Variants in SVIL observed in about 807,000 individuals in gnomAD.
SVIL encodes supervillin, also known as archvillin.
A neutral mutation model predicts 240.4 loss-of-function variants in SVIL; 101 were observed. The ratio of observed to expected loss-of-function variants is 0.42; its 90% CI spans 0.36 to 0.50. The LOEUF is 0.50. SVIL is among the 20% of genes least tolerant of loss of function. SVIL has a pLI of 0.01. For synonymous variants in SVIL, 999 were observed against 1,100.0 expected (o/e 0.91, Z 1.82); for missense variants, 2,512 against 2,818.7 (o/e 0.89, Z 2.46).
intron 1 of SVIL, among the ~76,000 whole-genome samples, chr10:29,586,913 G>A (rs1956190854): frequency 1.3e-5 from 2 of 152,230 alleles, no homozygotes; most frequent in South Asian, 4.1e-4. Flanking sequence ...TGGGAGGAGG[G>A]AGAAGATTAT....
At chr10:29,572,694 G>A (rs1387317945) in intron 1 of SVIL, among the ~76,000 whole-genome samples, 2 of 148,562 alleles carry the variant, frequency 1.3e-5, no homozygotes, top group Non-Finnish European at 3.0e-5. Flanking sequence ...AGCCTGGGAG[G>A]TCGAGGCTGC....
chr10:29,505,691 G>A (rs1237018476), intron 17 of SVIL, among the ~76,000 whole-genome samples: 6 of 152,166 alleles, frequency 3.9e-5, no homozygotes, highest in East Asian at 3.8e-4. Context: ...GGATAATGAC[G>A]CGTCAACGTA....
chr10:29,474,437 T>G (rs1945942390), intron 29 of SVIL, among the ~76,000 whole-genome samples: 1 of 151,926 alleles, frequency 6.6e-6, no homozygotes, highest in African/African-American at 2.4e-5. Flanking sequence ...CTAAAATAAT[T>G]TAAAGAAATT....
chr10:29,697,417 C>T (rs1176083063), intron 1 of SVIL, among the ~76,000 whole-genome samples: 4 of 81,638 alleles, frequency 4.9e-5, no homozygotes, highest in Non-Finnish European at 7.0e-5. Flanking sequence ...AGATGGTTGC[C>T]GTGTCTGTGT....
In SVIL at chr10:29,532,588, A is replaced by AGAG. The variant is rs1554839382; in HGVS notation, c.1776_1778dup (p.Ser593dup). On this transcript the variant is annotated inframe_insertion, in exon 8 of 38. Coordinates refer to ENST00000355867, the MANE Select transcript of SVIL (RefSeq NM_021738.3). ...GGAACGCACTTCGGAGCTGGGCGAC[A>AGAG]GAGACTTTTGTGTCCAGCATGCTGA... The AGAG allele has an allele frequency of 6.2e-7, 1 of 1,613,986 alleles. No individual in the cohort carries two copies. Among genetic ancestry groups the AGAG allele is most frequent in the Admixed American group, 1.7e-5 (1 of 60,024 alleles).
chr10:29,668,539 T>C (rs1026354059), intron 2 of SVIL, among the ~76,000 whole-genome samples: 1 of 152,204 alleles, frequency 6.6e-6, no homozygotes, highest in Non-Finnish European at 1.5e-5. Context: ...AATGGCGCCA[T>C]CTCAGCTCAC....
chr10:29,608,823 G>T (rs1362654372), intron 1 of SVIL, among the ~76,000 whole-genome samples: 2 of 152,210 alleles, frequency 1.3e-5, no homozygotes, highest in Non-Finnish European at 2.9e-5. Flanking sequence ...GGAAGGGGTG[G>T]GTCTCTAGTG....
At chr10:29,473,253 C>T (rs778208083) in intron 30 of SVIL, among the ~76,000 whole-genome samples, 6 of 152,282 alleles carry the variant, frequency 3.9e-5, no homozygotes, top group Non-Finnish European at 5.9e-5. Context: ...CTGACCTGTT[C>T]CAGAAAACCA....
At chr10:29,502,561 C>T (rs939862045) in intron 17 of SVIL, among the ~76,000 whole-genome samples, 16 of 152,122 alleles carry the variant, frequency 1.1e-4, no homozygotes, top group African/African-American at 3.6e-4. Flanking sequence ...TAAACAGAAT[C>T]CTACCCCATC....
intron 18 of SVIL, among the ~76,000 whole-genome samples, chr10:29,495,686 C>G (rs906171475): frequency 3.9e-5 from 6 of 152,146 alleles, no homozygotes; most frequent in Admixed American, 6.5e-5. Flanking sequence ...AAATTACAGA[C>G]CAGGGCAGGT....
At chr10:29,702,985 C>T (rs1047796526) in intron 1 of SVIL, among the ~76,000 whole-genome samples, 1 of 152,102 alleles carries the variant, frequency 6.6e-6, no homozygotes, top group Non-Finnish European at 1.5e-5. Context: ...TTTCCTTTCA[C>T]TTTGCTGTAA....
chr10:29,725,388 C>A (rs1031016576), intron 1 of SVIL, among the ~76,000 whole-genome samples: 6 of 152,118 alleles, frequency 3.9e-5, no homozygotes, highest in Admixed American at 2.0e-4. Context: ...TGGGTCTTAT[C>A]AGAACCACAG....
rs1381680431 is a variant in SVIL at position 29,512,868 on chromosome 10, G to A, written c.3390-7C>T. Reference sequence around the variant, plus strand: ...TTTCTTCAACAGTGCCAATCTAGGAGGAAAACATGCCCGCCACAAAGAGTT... The same window carrying A: ...TTTCTTCAACAGTGCCAATCTAGGAAGAAAACATGCCCGCCACAAAGAGTT... On this transcript the variant is annotated splice_polypyrimidine_tract_variant and splice_region_variant and intron_variant, in intron 16 of 37. Coordinates refer to ENST00000355867, the MANE Select transcript of SVIL (RefSeq NM_021738.3). 1.3e-6 allele frequency: 2 copies of A among 1,599,530 alleles called. No individual in the cohort carries two copies. The highest frequency in any genetic ancestry group is 2.7e-5 in the African/African-American group (2 of 74,954).
At chr10:29,573,841 G>A (rs546028370) in intron 1 of SVIL, among the ~76,000 whole-genome samples, 18 of 152,060 alleles carry the variant, frequency 1.2e-4, no homozygotes, top group East Asian at 1.9e-4. Flanking sequence ...GATTACAGGC[G>A]CGCGCCACCA....
At chr10:29,656,090 C>T (rs1455904962) in intron 3 of SVIL, among the ~76,000 whole-genome samples, 2 of 151,306 alleles carry the variant, frequency 1.3e-5, no homozygotes, top group Non-Finnish European at 1.5e-5. Context: ...AGGATGATCT[C>T]GATCTCCTGA....
chr10:29,660,816 C>T (rs1959136335), intron 2 of SVIL, among the ~76,000 whole-genome samples: 2 of 152,150 alleles, frequency 1.3e-5, no homozygotes, highest in South Asian at 4.1e-4. Flanking sequence ...ACTGTGAGTC[C>T]AGATAGAAGA....
intron 2 of SVIL, among the ~76,000 whole-genome samples, chr10:29,682,030 C>T (rs543436549): frequency 1.3e-5 from 2 of 152,126 alleles, no homozygotes; most frequent in Non-Finnish European, 2.9e-5. Flanking sequence ...CTCAGCCCAT[C>T]AGAGAGTTTC....
chr10:29,470,608 G>T, intron 31 of SVIL, 125 bp from the exon 32 acceptor site: 1 of 1,070,994 alleles, frequency 9.3e-7, no homozygotes, highest in Non-Finnish European at 1.4e-6. Flanking sequence ...GGACTTAGGG[G>T]ACTGGAGGGG....
chr10:29,518,399 C>CAAAT (rs1037090698), intron 16 of SVIL, among the ~76,000 whole-genome samples: 14 of 151,748 alleles, frequency 9.2e-5, no homozygotes, highest in African/African-American at 3.4e-4. Flanking sequence ...AGAAAATAAA[C>CAAAT]AAATAAATAA....
Sources: gnomAD v4.1 joint callset for allele counts (sites outside exome capture counted in the v4.1 genomes callset) on GRCh38, gnomAD v4.1.1 for gene constraint, MANE v1.5 for transcripts, NCBI Gene and HGNC (gene_info 2026-07-23, HGNC 2026-07-21) for gene names.